FOXN2: variants seen among roughly 807,000 people sequenced by gnomAD.
The protein encoded by FOXN2 is forkhead box protein N2.
A neutral mutation model predicts 41.2 loss-of-function variants in FOXN2; 19 were observed. The observed-to-expected ratio is 0.46, with a 90% CI of 0.32 to 0.68. The LOEUF (loss-of-function observed/expected upper bound fraction) is 0.68. FOXN2 is among the 30% of genes least tolerant of loss of function. The probability of loss-of-function intolerance (pLI) is 0.03; values close to 1 mark genes in which losing one functional copy is unlikely to be tolerated. For missense variants in FOXN2, 587 were observed against 509.4 expected, an observed-to-expected ratio of 1.15 and a Z score of -1.47; for synonymous variants, 195 against 176.8, an observed-to-expected ratio of 1.10 and a Z score of -0.82.
chr2:48,378,131 A>G lies in FOXN2; in HGVS notation c.*2688A>G, dbSNP rs570242366. The G allele has an allele frequency of 1.3e-5, 2 of 152,560 alleles. No homozygotes were observed. Among genetic ancestry groups the G allele is most frequent in the South Asian group, 2.1e-4 (1 of 4,828 alleles). 9.5% of individuals were successfully genotyped at this position (152,560 alleles called of 1,614,324 possible). On this transcript the variant is annotated 3_prime_UTR_variant, in exon 7 of 7. Transcript: ENST00000340553. ...TAGTAAAAAGCTTTGATTCAACACAATTGTTCATCTTCACATCCCAAACAG... is the reference window on the plus strand; with the variant it reads ...TAGTAAAAAGCTTTGATTCAACACAGTTGTTCATCTTCACATCCCAAACAG...
In FOXN2 at chr2:48,346,466, A is replaced by C; in HGVS notation, c.252A>C (p.Pro84=). 6.2e-7 allele frequency: 1 copy of C among 1,613,800 alleles called. No individual in the cohort carries two copies. Among genetic ancestry groups the C allele is most frequent in the Non-Finnish European group, 8.5e-7 (1 of 1,179,922 alleles). Residue 84 remains proline, a synonymous_variant, in exon 3 of 7, where the codon CCA becomes CCC. Coordinates refer to ENST00000340553, the MANE Select transcript of FOXN2 (RefSeq NM_002158.4). ...LGSEGLPIVS[P]LYDIEGDDVP... ...GTGAGGGTCTTCCAATTGTTAGTCC[A>C]TTGTATGACATAGAGGGAGATGATG...
chr2:48,375,317 T>C lies in FOXN2; in HGVS notation c.1170T>C (p.Cys390=), dbSNP rs1420905172. 1 of 1,613,834 alleles carries C rather than the reference T, an allele frequency of 6.2e-7. No individual in the cohort carries two copies. The highest frequency in any genetic ancestry group is 1.7e-5 in the Admixed American group (1 of 59,928). Residue 390 remains cysteine, a synonymous_variant, in exon 7 of 7, where the codon TGT becomes TGC. Coordinates refer to ENST00000340553, the MANE Select transcript of FOXN2 (RefSeq NM_002158.4). ...GCAAAAAGATGCGAAAACAGACATG[T>C]CAAGAAATTGATGAGGAGCTCAAAG... ...QSGKKMRKQT[C]QEIDEELKEA... is the part of the protein sequence containing the mutation.
chr2:48,331,651 C>A (rs1013343673), intron 2 of FOXN2, among the ~76,000 whole-genome samples: 2 of 151,968 alleles, frequency 1.3e-5, no homozygotes, highest in African/African-American at 4.8e-5. Flanking sequence ...GACGCTGCCT[C>A]TACAGAAATA....
In FOXN2 at chr2:48,377,220, T is replaced by G. The variant is rs1036087256; in HGVS notation, c.*1777T>G. 3 of 147,878 alleles carry G rather than the reference T, an allele frequency of 2.0e-5. No homozygotes were observed. Among genetic ancestry groups the G allele is most frequent in the Non-Finnish European group, 4.5e-5 (3 of 66,392 alleles). 9.2% of individuals were successfully genotyped at this position (147,878 alleles called of 1,614,324 possible). A position where few individuals can be genotyped will look rare whatever the true frequency, so the allele number is the denominator to read the frequency against. ...AAGCATGCAGGATGAGGTATTTGGGTTTTTTTTTTAGATCGATCACATCTA... is the reference window on the plus strand; with the variant it reads ...AAGCATGCAGGATGAGGTATTTGGGGTTTTTTTTTAGATCGATCACATCTA... On this transcript the variant is annotated 3_prime_UTR_variant, in exon 7 of 7. Coordinates refer to ENST00000340553, the MANE Select transcript of FOXN2 (RefSeq NM_002158.4).
chr2:48,356,899 A>G (rs972585914), intron 3 of FOXN2, among the ~76,000 whole-genome samples: 1 of 152,232 alleles, frequency 6.6e-6, no homozygotes, highest in African/African-American at 2.4e-5. Context: ...GCAAAATAAT[A>G]AAATGAGAGA....
At position 48,328,644 on chromosome 2, in the gene FOXN2, C is replaced by T. The variant is rs921774704; in HGVS notation, c.-73C>T. The T allele has an allele frequency of 1.3e-5, 2 of 152,146 alleles. No homozygotes were observed. Among genetic ancestry groups the T allele is most frequent in the Admixed American group, 6.6e-5 (1 of 15,262 alleles). The allele number at this position is 152,146 out of a possible 1,614,324, so 9.4% of individuals were successfully genotyped here. A position where few individuals can be genotyped will look rare whatever the true frequency, so the allele number is the denominator to read the frequency against. On this transcript the variant is annotated 5_prime_UTR_variant, in exon 2 of 7. Coordinates refer to ENST00000340553, the MANE Select transcript of FOXN2 (RefSeq NM_002158.4). ...GTCAAAAAACCAAACTGCTGGTTGG[C>T]TAATAATTGGTCACTGTATGACTTA... is the stretch of plus-strand genomic sequence containing the variant.
chr2:48,362,610 A>G, intron 4 of FOXN2, 33 bp from the exon 5 acceptor site: 1 of 1,586,980 alleles, frequency 6.3e-7, no homozygotes, highest in Non-Finnish European at 8.7e-7. Context: ...AAACATTTTT[A>G]TAAGCATATT....
intron 1 of FOXN2, among the ~76,000 whole-genome samples, chr2:48,323,815 A>G (rs1002083051): frequency 1.3e-5 from 2 of 152,100 alleles, no homozygotes; most frequent in African/African-American, 4.8e-5. Context: ...AATGTTCAGA[A>G]GAGTTTTTTC....
At chr2:48,351,598 G>A (rs779164119) in intron 3 of FOXN2, among the ~76,000 whole-genome samples, 5 of 152,098 alleles carry the variant, frequency 3.3e-5, no homozygotes, top group Non-Finnish European at 5.9e-5. Context: ...AGATCATCAG[G>A]CATTAGATTC....
intron 5 of FOXN2, among the ~76,000 whole-genome samples, chr2:48,372,671 T>C (rs1246011735): frequency 6.6e-6 from 1 of 152,140 alleles, no homozygotes; most frequent in Non-Finnish European, 1.5e-5. Flanking sequence ...AAAGCCCATT[T>C]TTAATGGAGT....
chr2:48,332,558 G>A (rs1210680953), intron 2 of FOXN2, among the ~76,000 whole-genome samples: 1 of 152,134 alleles, frequency 6.6e-6, no homozygotes, highest in East Asian at 1.9e-4. Flanking sequence ...TCGTGAGGGA[G>A]ATCTATCCTT....
At position 48,373,419 on chromosome 2, in the gene FOXN2, A is replaced by T. The variant is rs574512509; in HGVS notation, c.772+59A>T. 5 of 969,156 alleles carry T rather than the reference A, an allele frequency of 5.2e-6. No individual in the cohort carries two copies. In the African/African-American group the frequency reaches 8.4e-5, roughly 16 times the overall value. The allele number at this position is 969,156 out of a possible 1,614,324, so 60.0% of individuals were successfully genotyped here. A position where few individuals can be genotyped will look rare whatever the true frequency, so the allele number is the denominator to read the frequency against. Reference sequence around the variant, plus strand: ...TAGTGCCTTTTCAAATTTAACCTAGACTATAAAATAACTATTACAGACAAA... The same window carrying T: ...TAGTGCCTTTTCAAATTTAACCTAGTCTATAAAATAACTATTACAGACAAA... On this transcript the variant is annotated intron_variant, in intron 6 of 6. Transcript: ENST00000340553.
At chr2:48,374,317 T>C (rs1188140226) in intron 6 of FOXN2, among the ~76,000 whole-genome samples, 2 of 152,084 alleles carry the variant, frequency 1.3e-5, no homozygotes, top group Admixed American at 6.5e-5. Context: ...TCGCTAGAAA[T>C]TCGGGAAACA....
At chr2:48,317,595 CTTTTTTTTTTTTTTT>C (rs574980247) in intron 1 of FOXN2, among the ~76,000 whole-genome samples, 9 of 34,712 alleles carry the variant, frequency 2.6e-4, no homozygotes, top group East Asian at 2.0e-3. Flanking sequence ...TATAGTATTG[CTTTTTTTTTTTTTTT>C]TTTTTTTTTT....
intron 2 of FOXN2, among the ~76,000 whole-genome samples, chr2:48,337,421 C>A (rs1051888622): frequency 1.1e-4 from 16 of 152,030 alleles, no homozygotes; most frequent in African/African-American, 3.6e-4. Context: ...CCTCATCCTC[C>A]CAAAGTAGCT....
At chr2:48,339,870 CA>C (rs1558621467) in intron 2 of FOXN2, among the ~76,000 whole-genome samples, 1 of 152,128 alleles carries the variant, frequency 6.6e-6, no homozygotes, top group Non-Finnish European at 1.5e-5. Flanking sequence ...CAAACATAAA[CA>C]ATTAAATGTT....
Position 48,355,133 on chromosome 2 carries a change from G to A in FOXN2, c.538-3914G>A, listed in dbSNP as rs368799773. On this transcript the variant is annotated intron_variant, in intron 3 of 6. Transcript: ENST00000340553. Reference sequence around the variant, plus strand: ...AATATTCACAGTGGTATTATTTTTAGTAAAAGTTACAAAACCATATGTCCA... The same window carrying A: ...AATATTCACAGTGGTATTATTTTTAATAAAAGTTACAAAACCATATGTCCA... 1.4e-4 allele frequency among the ~76,000 whole-genome samples: 22 copies of A among 152,114 alleles called. 4 individuals carry two copies. Among genetic ancestry groups the A allele is most frequent in the Admixed American group, 1.4e-3 (21 of 15,270 alleles).
At position 48,376,388 on chromosome 2, in the gene FOXN2, G is replaced by C. The variant is rs1673249367; in HGVS notation, c.*945G>C. 6.6e-6 allele frequency: 1 copy of C among 152,054 alleles called. No individual in the cohort carries two copies. Among genetic ancestry groups the C allele is most frequent in the Admixed American group, 6.6e-5 (1 of 15,244 alleles). 9.4% of individuals were successfully genotyped at this position (152,054 alleles called of 1,614,324 possible). On this transcript the variant is annotated 3_prime_UTR_variant, in exon 7 of 7. Transcript: ENST00000340553. ...AATGGAGTGAAATGAAACATTTTGA[G>C]TACTGATGGCATGTTATCATACATA...
At chr2:48,322,373 G>C (rs553609679) in intron 1 of FOXN2, among the ~76,000 whole-genome samples, 60 of 152,240 alleles carry the variant, frequency 3.9e-4, no homozygotes, top group Admixed American at 3.3e-4. Flanking sequence ...TATAAGGCTA[G>C]CACCTGTGTA....
Sources: allele counts gnomAD v4.1 joint callset (sites outside exome capture counted in the v4.1 genomes callset), GRCh38; gene constraint gnomAD v4.1.1; transcripts MANE v1.5; gene names NCBI Gene and HGNC (gene_info 2026-07-23, HGNC 2026-07-21).